The following S100A8 variants were observed in gnomAD, a reference collection of about 807,000 sequenced individuals.
S100A8 encodes the protein protein S100-A8.
Under a neutral mutation model 4.2 loss-of-function variants are expected in S100A8, and 1 was observed. The ratio of observed to expected loss-of-function variants is 0.24; its 90% CI spans 0.08 to 1.12. S100A8 has a LOEUF of 1.12. Ranked by LOEUF, S100A8 falls within the 50% of genes most tolerant of loss-of-function variation. The pLI, the probability that S100A8 is intolerant of heterozygous loss-of-function variation, is 0.53. For missense variants in S100A8, 96 were observed against 111.8 expected (o/e 0.86, Z 0.64); for synonymous variants, 41 against 44.7 (o/e 0.92, Z 0.33).
the S100A8 span, among the ~76,000 whole-genome samples, chr1:153,414,658 T>C: frequency 2.0e-5 from 3 of 152,220 alleles, no homozygotes; most frequent in African/African-American, 7.2e-5. Flanking sequence ...CATTCATTGA[T>C]GGCAGGAACA....
the S100A8 span, among the ~76,000 whole-genome samples, chr1:153,411,717 C>A: frequency 1.3e-5 from 2 of 152,158 alleles, no homozygotes; most frequent in African/African-American, 4.8e-5. Flanking sequence ...CATCACACTA[C>A]CTGACTTCAA....
chr1:153,419,124 T>C, the S100A8 span: 2 of 1,609,788 alleles, frequency 1.2e-6, no homozygotes, highest in South Asian at 2.2e-5. Context: ...TTTTCTATTT[T>C]GTATGTTTTT....
the S100A8 span, among the ~76,000 whole-genome samples, chr1:153,398,684 C>T: frequency 1.3e-5 from 2 of 152,254 alleles, no homozygotes; most frequent in Non-Finnish European, 2.9e-5. Flanking sequence ...ACAACTGCTG[C>T]TTCCACCGCT....
At chr1:153,402,333 C>A in the S100A8 span, among the ~76,000 whole-genome samples, 4 of 152,144 alleles carry the variant, frequency 2.6e-5, no homozygotes, top group Admixed American at 6.5e-5. Context: ...CATTTCTAAC[C>A]CAGGCCCATG....
upstream of S100A8, among the ~76,000 whole-genome samples, chr1:153,394,711 G>A (rs578023651): frequency 1.6e-4 from 24 of 152,262 alleles, no homozygotes; most frequent in African/African-American, 4.8e-4. Flanking sequence ...GGCCAGGCCC[G>A]GAGCAGCAGG....
At chr1:153,391,191 C>T, upstream of S100A8, 7 of 985,482 alleles carry the variant, frequency 7.1e-6, no homozygotes, top group Non-Finnish European at 8.4e-6. Flanking sequence ...GGTTTCTCAA[C>T]CAGGTGAATG....
the S100A8 span, among the ~76,000 whole-genome samples, chr1:153,414,993 T>C: frequency 6.6e-6 from 1 of 152,344 alleles, no homozygotes; most frequent in African/African-American, 2.4e-5. Flanking sequence ...GTATGCATGA[T>C]GTACCTCCCA....
chr1:153,407,589 C>A, the S100A8 span, among the ~76,000 whole-genome samples: 1 of 152,222 alleles, frequency 6.6e-6, no homozygotes, highest in Non-Finnish European at 1.5e-5. Flanking sequence ...CAGGCTTAAG[C>A]GTCCCTGTTT....
the S100A8 span, among the ~76,000 whole-genome samples, chr1:153,415,753 T>C: frequency 2.6e-5 from 4 of 151,608 alleles, no homozygotes; most frequent in East Asian, 5.8e-4. Context: ...ACCTAGATAG[T>C]GAGGCCCCTG....
At chr1:153,419,342 A>G in the S100A8 span, 2 of 1,595,510 alleles carry the variant, frequency 1.3e-6, no homozygotes, top group East Asian at 4.5e-5. Flanking sequence ...CAGAGACCCC[A>G]GGAACAATAA....
chr1:153,417,639 C>A, the S100A8 span, among the ~76,000 whole-genome samples: 3 of 152,214 alleles, frequency 2.0e-5, no homozygotes, highest in Non-Finnish European at 4.4e-5. Flanking sequence ...CACCAGATCA[C>A]CAAGGCCATT....
At chr1:153,407,754 C>T in the S100A8 span, among the ~76,000 whole-genome samples, 4 of 152,274 alleles carry the variant, frequency 2.6e-5, no homozygotes, top group Admixed American at 2.6e-4. Context: ...AGCCAGGTGC[C>T]CCTCTGAGAC....
At chr1:153,396,636 G>C in the S100A8 span, 5 of 152,352 alleles carry the variant, frequency 3.3e-5, no homozygotes, top group Non-Finnish European at 5.9e-5. Flanking sequence ...ACAGCTGCTG[G>C]TGGTAGTGCA....
the S100A8 span, among the ~76,000 whole-genome samples, chr1:153,408,731 G>A: frequency 1.3e-5 from 2 of 152,218 alleles, no homozygotes; most frequent in African/African-American, 4.8e-5. Flanking sequence ...CAGAGAGAAA[G>A]CTCAGGGTAC....
At chr1:153,417,982 T>C in the S100A8 span, 2 of 1,524,962 alleles carry the variant, frequency 1.3e-6, no homozygotes, top group African/African-American at 2.8e-5. Flanking sequence ...GTTTTTACTC[T>C]GTCCTCAGCC....
At chr1:153,397,493 A>G in the S100A8 span, among the ~76,000 whole-genome samples, 3 of 152,076 alleles carry the variant, frequency 2.0e-5, no homozygotes, top group Admixed American at 2.0e-4. Context: ...ATGGTAGGGG[A>G]GAGGAAAGAG....
chr1:153,417,934 T>TA, the S100A8 span: 280 of 1,069,510 alleles, frequency 2.6e-4, 3 homozygotes, highest in Middle Eastern at 1.8e-3. Context: ...CCCATCACAT[T>TA]TAAAAAAATC....
chr1:153,390,142 T>C lies in S100A8; in HGVS notation c.243A>G (p.Ala81=), dbSNP rs770842441. The C allele has an allele frequency of 1.9e-6, 3 of 1,614,088 alleles. No homozygotes were observed. The highest frequency in any genetic ancestry group is 2.2e-5 in the South Asian group (2 of 91,082). The change falls in exon 3 of 3, where the codon GCA becomes GCG. Residue 81 remains alanine (A), a synonymous_variant. Transcript: ENST00000368733. ...FLILVIKMGV[A]AHKKSHEESH... ...TTTCTTCATGGCTTTTTTTGTGGGCTGCCACGCCCATCTTTATCACCAGAA... is the reference window on the plus strand; with the variant it reads ...TTTCTTCATGGCTTTTTTTGTGGGCCGCCACGCCCATCTTTATCACCAGAA...
chr1:153,421,541 A>C, the S100A8 span: 1 of 152,346 alleles, frequency 6.6e-6, no homozygotes, highest in South Asian at 2.1e-4. Flanking sequence ...TGTAAACAGC[A>C]GTGTAAAATC....
Sources: gnomAD v4.1 joint callset for allele counts (sites outside exome capture counted in the v4.1 genomes callset) on GRCh38, gnomAD v4.1.1 for gene constraint, MANE v1.5 for transcripts, NCBI Gene and HGNC (gene_info 2026-07-23, HGNC 2026-07-21) for gene names.